Variants in IMMP2L observed in about 807,000 individuals in gnomAD.
IMMP2L encodes the protein mitochondrial inner membrane protease subunit 2.
A neutral mutation model predicts 19.3 loss-of-function variants in IMMP2L; 18 were observed. That is an observed-to-expected ratio of 0.93 (90% confidence interval 0.64 to 1.38). IMMP2L has a LOEUF of 1.38. Ranked by LOEUF, IMMP2L falls within the 40% of genes most tolerant of loss-of-function variation. IMMP2L has a pLI of 0.00. For synonymous variants in IMMP2L, 76 were observed against 73.0 expected (o/e 1.04, Z -0.21); for missense variants, 233 against 218.2 (o/e 1.07, Z -0.43).
At chr7:111,332,015 A>G (rs115507846) in intron 3 of IMMP2L, among the ~76,000 whole-genome samples, 3,262 of 151,974 alleles carry the variant, frequency 0.021, 122 homozygotes, top group African/African-American at 0.074. Context: ...GCTATATGCT[A>G]TATATTATGT....
chr7:111,382,428 A>G (rs185886881), intron 3 of IMMP2L, among the ~76,000 whole-genome samples: 47 of 152,208 alleles, frequency 3.1e-4, no homozygotes, highest in Admixed American at 1.9e-3. Flanking sequence ...AATGGTAAGA[A>G]CAAGCAGGAC....
intron 3 of IMMP2L, among the ~76,000 whole-genome samples, chr7:111,112,805 G>C (rs1799396981): frequency 6.6e-6 from 1 of 152,082 alleles, no homozygotes; most frequent in African/African-American, 2.4e-5. Flanking sequence ...TATAGTAACA[G>C]AAAAGCACCA....
chr7:111,168,841 A>T (rs1469159063), intron 3 of IMMP2L, among the ~76,000 whole-genome samples: 2 of 151,842 alleles, frequency 1.3e-5, no homozygotes, highest in Non-Finnish European at 2.9e-5. Flanking sequence ...TCTGTTACCA[A>T]ATTAAATTGG....
chr7:111,435,448 C>G (rs529766223), intron 3 of IMMP2L, among the ~76,000 whole-genome samples: 1 of 151,788 alleles, frequency 6.6e-6, no homozygotes. Context: ...ACTTCATATT[C>G]TCACTTATAA....
At chr7:111,202,361 A>G (rs1184151653) in intron 3 of IMMP2L, among the ~76,000 whole-genome samples, 1 of 152,192 alleles carries the variant, frequency 6.6e-6, no homozygotes, top group Non-Finnish European at 1.5e-5. Context: ...AGTTTCAAGA[A>G]TCAAAAATAA....
chr7:111,277,017 GAAAACTTGGGAA>G (rs1191978076), intron 3 of IMMP2L, among the ~76,000 whole-genome samples: 1 of 152,044 alleles, frequency 6.6e-6, no homozygotes, highest in Non-Finnish European at 1.5e-5. Flanking sequence ...AATCCTAGAA[GAAAACTTGGGAA>G]AAACTCTTCC....
chr7:111,395,183 T>G (rs37677), intron 3 of IMMP2L: 35,190 of 153,244 alleles, frequency 0.23, 6,005 homozygotes, highest in African/African-American at 0.48. Context: ...GCCAAAGGAG[T>G]CAAGAGTAGT....
At chr7:111,146,758 T>G (rs1803521711) in intron 3 of IMMP2L, among the ~76,000 whole-genome samples, 1 of 152,038 alleles carries the variant, frequency 6.6e-6, no homozygotes, top group African/African-American at 2.4e-5. Flanking sequence ...GAAAGAAACG[T>G]TTTGAAAAAA....
intron 3 of IMMP2L, among the ~76,000 whole-genome samples, chr7:110,973,179 C>T (rs963632346): frequency 6.6e-6 from 1 of 151,918 alleles, no homozygotes; most frequent in Non-Finnish European, 1.5e-5. Context: ...AATGTTCTCA[C>T]CATATACACA....
intron 3 of IMMP2L, among the ~76,000 whole-genome samples, chr7:111,311,950 T>C (rs1022375983): frequency 1.3e-4 from 20 of 152,218 alleles, no homozygotes; most frequent in Non-Finnish European, 2.5e-4. Context: ...AAGTAGCACC[T>C]AATATCACAT....
At chr7:111,074,879 T>G (rs1795254638) in intron 3 of IMMP2L, among the ~76,000 whole-genome samples, 1 of 152,180 alleles carries the variant, frequency 6.6e-6, no homozygotes, top group Admixed American at 6.5e-5. Flanking sequence ...AGAAAATCTA[T>G]TTGTACATAG....
At chr7:110,994,660 G>C (rs1822849064) in intron 3 of IMMP2L, among the ~76,000 whole-genome samples, 1 of 152,116 alleles carries the variant, frequency 6.6e-6, no homozygotes, top group African/African-American at 2.4e-5. Flanking sequence ...ACCACTTATA[G>C]CTTAGCTGTC....
intron 3 of IMMP2L, among the ~76,000 whole-genome samples, chr7:111,216,535 G>C (rs1811942645): frequency 1.3e-5 from 2 of 152,024 alleles, no homozygotes. Context: ...TTGTTTTGTG[G>C]AGAGAACATC....
At chr7:111,075,342 G>A (rs1795310678) in intron 3 of IMMP2L, among the ~76,000 whole-genome samples, 1 of 151,966 alleles carries the variant, frequency 6.6e-6, no homozygotes, top group East Asian at 1.9e-4. Flanking sequence ...TGGCCAGGCT[G>A]GTCTCGAACT....
intron 5 of IMMP2L, among the ~76,000 whole-genome samples, chr7:110,769,592 T>C (rs1323089237): frequency 6.6e-6 from 1 of 152,156 alleles, no homozygotes; most frequent in East Asian, 1.9e-4. Context: ...GAAGATCTGA[T>C]GGAAGACAAG....
At chr7:111,411,767 G>C in intron 3 of IMMP2L, 1 of 199,124 alleles carries the variant, frequency 5.0e-6, no homozygotes. Context: ...GGAGGAGCTG[G>C]TGAGCGTCAA....
chr7:111,042,920 C>T (rs1269754203), intron 3 of IMMP2L, among the ~76,000 whole-genome samples: 1 of 152,182 alleles, frequency 6.6e-6, no homozygotes, highest in Non-Finnish European at 1.5e-5. Context: ...TAACCCAGCA[C>T]CTAAGCAGAG....
chr7:110,692,996 T>G (rs764050539), intron 5 of IMMP2L, among the ~76,000 whole-genome samples: 1 of 152,204 alleles, frequency 6.6e-6, no homozygotes, highest in Non-Finnish European at 1.5e-5. Context: ...CCCAGGGTGC[T>G]CCTTTGAATC....
rs936146454 is a variant in IMMP2L, at chr7:111,534,886, A to G, written c.-2-13437T>C. 2.6e-5 allele frequency among the ~76,000 whole-genome samples: 4 copies of G among 152,184 alleles called. 1 individual carries two copies. The highest frequency in any genetic ancestry group is 5.9e-5 in the Non-Finnish European group (4 of 68,014). On this transcript the variant is annotated intron_variant, in intron 1 of 5. Transcript: ENST00000405709. ...TTTTCCCCTGTGTTTAAAATAGAAT[A>G]AAATCAACAGATCAATATCCTAGAG...
Sources: allele counts gnomAD v4.1 joint callset (sites outside exome capture counted in the v4.1 genomes callset), GRCh38; gene constraint gnomAD v4.1.1; transcripts MANE v1.5; gene names NCBI Gene and HGNC (gene_info 2026-07-23, HGNC 2026-07-21).